The following RPGRIP1L variants were observed in gnomAD, a reference collection of about 807,000 sequenced individuals.
The protein encoded by RPGRIP1L is RPGRIP1 like, also known as protein fantom.
A neutral mutation model predicts 160.4 loss-of-function variants in RPGRIP1L; 131 were observed. The ratio of observed to expected loss-of-function variants is 0.82; its 90% CI spans 0.71 to 0.94. RPGRIP1L has a LOEUF of 0.94. RPGRIP1L is among the 40% of genes least tolerant of loss of function. RPGRIP1L has a pLI of 0.00. For missense variants in RPGRIP1L, 1,522 were observed against 1,535.8 expected, an observed-to-expected ratio of 0.99 and a Z score of 0.15; for synonymous variants, 510 against 515.8, an observed-to-expected ratio of 0.99 and a Z score of 0.15.
At chr16:53,658,582 C>T in intron 11 of RPGRIP1L, 118 bp from the exon 12 acceptor site, 1 of 926,090 alleles carries the variant, frequency 1.1e-6, no homozygotes, top group South Asian at 1.4e-5. Context: ...AACTAACAAA[C>T]TAAGTCTACA....
chr16:53,614,910 C>T (rs1312969644), intron 24 of RPGRIP1L, among the ~76,000 whole-genome samples: 2 of 152,194 alleles, frequency 1.3e-5, no homozygotes, highest in East Asian at 1.9e-4. Flanking sequence ...CCATTAAAAA[C>T]ATATCCTTTA....
At chr16:53,636,368 G>T (rs1405059867) in intron 22 of RPGRIP1L, 71 bp downstream of exon 22, 2 of 1,008,556 alleles carry the variant, frequency 2.0e-6, no homozygotes, top group East Asian at 2.4e-5. Flanking sequence ...TATATATGAA[G>T]ACTACATATG....
At chr16:53,623,188 T>A (rs1964853324) in intron 22 of RPGRIP1L, among the ~76,000 whole-genome samples, 1 of 152,166 alleles carries the variant, frequency 6.6e-6, no homozygotes, top group Non-Finnish European at 1.5e-5. Flanking sequence ...AATAGCTTCC[T>A]AGTTATCAGA....
Position 53,696,196 on chromosome 16 carries a change from A to C in RPGRIP1L, c.185T>G (p.Ile62Ser). 6.2e-7 allele frequency: 1 copy of C among 1,614,064 alleles called. No homozygotes were observed. The highest frequency in any genetic ancestry group is 8.5e-7 in the Non-Finnish European group (1 of 1,179,972). The stretch of plus-strand genomic sequence containing the variant: ...CTTGCGGGCATGCTGTTTAAGTAAA[A>C]TGTTCTCATCATGCAAACGCAAAAA... ...DRFLRLHDENILLKQHARKQE... is the reference protein window; with the variant it reads ...DRFLRLHDENSLLKQHARKQE... Residue 62 changes from isoleucine (I) to serine (S), a missense_variant, in exon 3 of 27, where the codon ATT (isoleucine) becomes AGT (serine). Physicochemically the swap from Ile to Ser is moderately radical, Grantham distance 142. Transcript: ENST00000647211.
chr16:53,605,549 C>T lies in RPGRIP1L; in HGVS notation c.3767G>A (p.Gly1256Asp). The T allele has an allele frequency of 6.2e-7, 1 of 1,614,138 alleles. No homozygotes were observed. The highest frequency in any genetic ancestry group is 8.5e-7 in the Non-Finnish European group (1 of 1,180,002). Residue 1256 changes from glycine to aspartate, a missense_variant, in exon 26 of 27, where the codon GGC (glycine) becomes GAC (aspartate). Coordinates refer to ENST00000647211, the MANE Select transcript of RPGRIP1L (RefSeq NM_015272.5). ...GTCGGCAAGGTCGACGTGAGCCACG[C>T]CAATGTCCTCACACTCCAGGTCCTG... ...DEQDLECEDI[G>D]VAHVDLADMF...
chr16:53,641,522 T>C lies in RPGRIP1L; in HGVS notation c.2684-47A>G, dbSNP rs906919568. On this transcript the variant is annotated intron_variant, in intron 17 of 26. Coordinates refer to ENST00000647211, the MANE Select transcript of RPGRIP1L (RefSeq NM_015272.5). Reference sequence around the variant, plus strand: ...AATTAATGCTAGAGTGAAGTTTTATTACTGTAAGAATTAAAGAACAAAGAA... The same window carrying C: ...AATTAATGCTAGAGTGAAGTTTTATCACTGTAAGAATTAAAGAACAAAGAA... 2.0e-6 allele frequency: 3 copies of C among 1,515,428 alleles called. No homozygotes were observed. The African/African-American group carries it at 4.1e-5, about 21-fold the overall frequency. 93.9% of individuals were successfully genotyped at this position (1,515,428 alleles called of 1,614,324 possible). A position where few individuals can be genotyped will look rare whatever the true frequency, so the allele number is the denominator to read the frequency against.
At chr16:53,665,843 G>C (rs1001843672) in intron 9 of RPGRIP1L, among the ~76,000 whole-genome samples, 1 of 152,154 alleles carries the variant, frequency 6.6e-6, no homozygotes, top group East Asian at 1.9e-4. Flanking sequence ...CAGCTGCTAC[G>C]TAAGGACACT....
chr16:53,628,197 T>C (rs772087061), intron 22 of RPGRIP1L: 1 of 152,044 alleles, frequency 6.6e-6, no homozygotes, highest in Non-Finnish European at 1.5e-5. Flanking sequence ...GTAGAACTTG[T>C]TACTTTGTAA....
At chr16:53,685,547 C>T (rs375678669) in intron 6 of RPGRIP1L, among the ~76,000 whole-genome samples, 7 of 152,308 alleles carry the variant, frequency 4.6e-5, no homozygotes, top group African/African-American at 1.4e-4. Context: ...AGATCATGAC[C>T]TTTGCAGGGA....
In RPGRIP1L at chr16:53,641,231, C is replaced by CT. The variant is rs1015195117; in HGVS notation, c.2874+53dup. On this transcript the variant is annotated intron_variant, in intron 18 of 26. Coordinates refer to ENST00000647211, the MANE Select transcript of RPGRIP1L (RefSeq NM_015272.5). Reference sequence around the variant, plus strand: ...TGGGGGTGGCAGCTTAGTTCTTAAGCTTTATATTCAAAATTTTATACTTGT... The same window carrying CT: ...TGGGGGTGGCAGCTTAGTTCTTAAGCTTTTATATTCAAAATTTTATACTTGT... 1.7e-5 allele frequency: 27 copies of CT among 1,566,738 alleles called. No individual in the cohort carries two copies. In the African/African-American group the frequency reaches 2.6e-4, roughly 15 times the overall value.
At chr16:53,615,472 A>ATTTTTTTT (rs1166401715) in intron 24 of RPGRIP1L, among the ~76,000 whole-genome samples, 23 of 75,072 alleles carry the variant, frequency 3.1e-4, no homozygotes, top group African/African-American at 1.2e-3. Context: ...ATATATATAT[A>ATTTTTTTT]TTTTTTTTTT....
At chr16:53,635,950 G>A (rs959082789) in intron 22 of RPGRIP1L, among the ~76,000 whole-genome samples, 5 of 152,136 alleles carry the variant, frequency 3.3e-5, no homozygotes, top group Admixed American at 6.6e-5. Context: ...AAAGTATACC[G>A]GCACAAGATT....
chr16:53,642,102 T>C (rs77582715), intron 17 of RPGRIP1L, among the ~76,000 whole-genome samples: 106 of 152,218 alleles, frequency 7.0e-4, no homozygotes, highest in Admixed American at 1.2e-3. Context: ...GAATCTGTTA[T>C]ATTGAGTCTC....
At chr16:53,671,435 T>C in intron 9 of RPGRIP1L, 75 bp downstream of exon 9, 1 of 928,700 alleles carries the variant, frequency 1.1e-6, no homozygotes, top group African/African-American at 1.6e-5. Context: ...CATGATCTAT[T>C]CTGACAACAG....
At chr16:53,648,626 G>GCGCGCGCACACACACACACACA (rs1555602385) in intron 16 of RPGRIP1L, among the ~76,000 whole-genome samples, 2 of 143,988 alleles carry the variant, frequency 1.4e-5, no homozygotes, top group Non-Finnish European at 3.0e-5. Flanking sequence ...GCGCGCGCGC[G>GCGCGCGCACACACACACACACA]CACACACACA....
intron 3 of RPGRIP1L, chr16:53,693,388 A>AT (rs1264605276): frequency 6.6e-6 from 1 of 152,230 alleles, no homozygotes; most frequent in Non-Finnish European, 1.5e-5. Flanking sequence ...CAAAAGTGAA[A>AT]TAAAAAAACC....
chr16:53,675,070 C>T lies in RPGRIP1L; in HGVS notation c.829G>A (p.Glu277Lys), dbSNP rs756174789. 12 of 1,611,680 alleles carry T rather than the reference C, an allele frequency of 7.4e-6. No homozygotes were observed. In the South Asian group the frequency reaches 1.3e-4, roughly 18 times the overall value. Reference protein sequence around the residue: ...EMIKLHKQLVEKSNALSAMEG... With the variant: ...EMIKLHKQLVKKSNALSAMEG... ...ATTGCTGAAAGAGCATTGCTTTTCT[C>T]TACTAGCTGTTTATGAAGCTTAATC... Residue 277 changes from glutamate to lysine, a missense_variant, in exon 7 of 27, where the codon GAG becomes AAG. By Grantham distance (56) the Glu-to-Lys change is moderately conservative. Transcript: ENST00000647211.
At chr16:53,648,103 CA>C (rs781122239) in intron 16 of RPGRIP1L, among the ~76,000 whole-genome samples, 2,361 of 39,134 alleles carry the variant, frequency 0.06, 6 homozygotes, top group African/African-American at 0.092. Context: ...GACTCCGTCT[CA>C]AAAAAAAAAA....
rs180978600 is a variant in RPGRIP1L, at chr16:53,697,157, C to T, written c.86-862G>A. On this transcript the variant is annotated intron_variant, in intron 2 of 26. Coordinates refer to ENST00000647211, the MANE Select transcript of RPGRIP1L (RefSeq NM_015272.5). ...GAGCTGAGATTGTGCCACTGCACTC[C>T]AGCCTGGGTGAGAGAGCGAGACTCT... 4.8e-3 allele frequency among the ~76,000 whole-genome samples: 723 copies of T among 150,338 alleles called. 6 individuals are homozygous for T. Among genetic ancestry groups the T allele is most frequent in the African/African-American group, 0.017 (696 of 40,852 alleles).
Sources: gnomAD v4.1 joint callset for allele counts (sites outside exome capture counted in the v4.1 genomes callset) on GRCh38, gnomAD v4.1.1 for gene constraint, MANE v1.5 for transcripts, NCBI Gene and HGNC (gene_info 2026-07-23, HGNC 2026-07-21) for gene names.